Variants in RAB44 observed in about 807,000 individuals in gnomAD.
RAB44 encodes RAB44, member RAS oncogene family.
RAB44 carries 67 observed loss-of-function variants against 93.3 expected under a neutral mutation model. The observed-to-expected ratio is 0.72, with a 90% CI of 0.59 to 0.88. The LOEUF is 0.88. Ranked by LOEUF, RAB44 falls within the 40% of genes least tolerant of loss-of-function variation. The pLI, the probability that RAB44 is intolerant of heterozygous loss-of-function variation, is 0.00. For synonymous variants in RAB44, 427 were observed against 520.3 expected, an observed-to-expected ratio of 0.82 and a Z score of 2.44; for missense variants, 1,064 against 1,261.7, an observed-to-expected ratio of 0.84 and a Z score of 2.37.
At chr6:36,720,229 A>C (rs236480) in intron 7 of RAB44, 134 bp from the exon 8 acceptor site, 473,832 of 671,834 alleles carry the variant, frequency 0.71, 170,604 homozygotes, top group Non-Finnish European at 0.75. Context: ...ACCGCCCACC[A>C]CTACTCTGAT....
At chr6:36,726,176 A>G (rs1161637466) in intron 10 of RAB44, among the ~76,000 whole-genome samples, 1 of 152,168 alleles carries the variant, frequency 6.6e-6, no homozygotes, top group African/African-American at 2.4e-5. Flanking sequence ...TCATTAGGGG[A>G]CAGCCACCCA....
chr6:36,730,670 C>T lies in RAB44; in HGVS notation c.2899-3C>T. ...CATATGTCCCTCCCTGTCTGGCCTG[C>T]AGGAACTGGGGGTCTATTTTGGGGA... On this transcript the variant is annotated splice_polypyrimidine_tract_variant and splice_region_variant and intron_variant, in intron 12 of 13. Transcript: ENST00000612677. 1 of 1,234,066 alleles carries T rather than the reference C, an allele frequency of 8.1e-7. No homozygotes were observed. Among genetic ancestry groups the T allele is most frequent in the Non-Finnish European group, 1.0e-6 (1 of 987,968 alleles). 76.4% of individuals were successfully genotyped at this position (1,234,066 alleles called of 1,614,324 possible). A position where few individuals can be genotyped will look rare whatever the true frequency, so the allele number is the denominator to read the frequency against.
chr6:36,732,416 A>T lies in RAB44; in HGVS notation c.*323A>T. On this transcript the variant is annotated 3_prime_UTR_variant, in exon 14 of 14. Transcript: ENST00000612677. ...CTGTGGGTGTAAAATTTTAGGGAGA[A>T]TGTGGGGGGGGGGTGTTACTTTCCA... 2.6e-5 allele frequency: 3 copies of T among 114,392 alleles called. No individual in the cohort carries two copies. The highest frequency in any genetic ancestry group is 3.8e-5 in the Non-Finnish European group (2 of 52,326). 7.1% of individuals were successfully genotyped at this position (114,392 alleles called of 1,614,324 possible).
intron 11 of RAB44, 51 bp downstream of exon 11, chr6:36,727,742 T>C (rs236472): frequency 0.36 from 407,211 of 1,136,070 alleles, 75,173 homozygotes; most frequent in Non-Finnish European, 0.39. Context: ...TCAAGAGGGA[T>C]CTTATATCCT....
intron 6 of RAB44, 141 bp from the exon 7 acceptor site, chr6:36,718,352 G>A: frequency 2.2e-6 from 1 of 457,186 alleles, no homozygotes; most frequent in Non-Finnish European, 3.6e-6. Flanking sequence ...TGGAACTGGA[G>A]GAGTTGTCCT....
At position 36,717,408 on chromosome 6, in the gene RAB44, G is replaced by C. The variant is rs1322919894; in HGVS notation, c.630G>C (p.Leu210=). The change falls in exon 5 of 14, where the codon CTG becomes CTC. Residue 210 remains leucine, a synonymous_variant. Coordinates refer to ENST00000612677, the MANE Select transcript of RAB44 (RefSeq NM_001257357.2). This position sits in a 1 kb window ranked among gnomAD's most constrained non-coding sequence, Gnocchi z 4.1. ...EAQADKEALE[L]TLRKRDSDHH... ...AGGCGGACAAGGAGGCCCTGGAGCT[G>C]ACCCTGAGGAAGTGAGTGGGGGGCC... is the stretch of plus-strand genomic sequence containing the variant. 4.9e-6 allele frequency: 6 copies of C among 1,232,124 alleles called. No homozygotes were observed. The highest frequency in any genetic ancestry group is 6.1e-6 in the Non-Finnish European group (6 of 988,086). The allele number at this position is 1,232,124 out of a possible 1,614,324, so 76.3% of individuals were successfully genotyped here. A position where few individuals can be genotyped will look rare whatever the true frequency, so the allele number is the denominator to read the frequency against.
intron 8 of RAB44, 141 bp downstream of exon 8, chr6:36,720,691 G>A: frequency 1.5e-6 from 1 of 668,136 alleles, no homozygotes; most frequent in Non-Finnish European, 2.1e-6. Context: ...CTGCCAAGCT[G>A]GAACTATCAC....
chr6:36,706,503 C>T (rs999132444), intron 2 of RAB44, among the ~76,000 whole-genome samples: 4 of 152,172 alleles, frequency 2.6e-5, no homozygotes, highest in African/African-American at 9.7e-5. Flanking sequence ...CGTTCCAGGC[C>T]AGCTTCCTGG....
chr6:36,732,103 C>T lies in RAB44; in HGVS notation c.*10C>T, dbSNP rs1763376567. The T allele has an allele frequency of 2.4e-6, 3 of 1,233,856 alleles. No individual in the cohort carries two copies. The highest frequency in any genetic ancestry group is 8.4e-5 in the Admixed American group (2 of 23,716). 76.4% of individuals were successfully genotyped at this position (1,233,856 alleles called of 1,614,324 possible). Reference sequence around the variant, plus strand: ...CGGCTGTTGCTCCTGATCACCTGTCCTGTCCTGGGTAGGATGGACACCCAT... The same window carrying T: ...CGGCTGTTGCTCCTGATCACCTGTCTTGTCCTGGGTAGGATGGACACCCAT... On this transcript the variant is annotated 3_prime_UTR_variant, in exon 14 of 14. Coordinates refer to ENST00000612677, the MANE Select transcript of RAB44 (RefSeq NM_001257357.2).
At chr6:36,724,965 G>A (rs1763199153) in intron 9 of RAB44, among the ~76,000 whole-genome samples, 1 of 152,184 alleles carries the variant, frequency 6.6e-6, no homozygotes, top group Admixed American at 6.5e-5. Flanking sequence ...GAGAATCAGA[G>A]CCAACGGAGT....
Position 36,717,490 on chromosome 6 carries a change from A to C in RAB44, c.641+71A>C. 8.2e-7 allele frequency: 1 copy of C among 1,226,630 alleles called. No homozygotes were observed. The highest frequency in any genetic ancestry group is 1.0e-6 in the Non-Finnish European group (1 of 983,778). The allele number at this position is 1,226,630 out of a possible 1,614,324, so 76.0% of individuals were successfully genotyped here. On this transcript the variant is annotated intron_variant, in intron 5 of 13. Coordinates refer to ENST00000612677, the MANE Select transcript of RAB44 (RefSeq NM_001257357.2). This position sits in a 1 kb window ranked among gnomAD's most constrained non-coding sequence, Gnocchi z 4.1. Reference sequence around the variant, plus strand: ...TTCACATTCCAGTGGAATCTGGTTGAATTTCCCCAGCTCCTCCTGCAGCTG... The same window carrying C: ...TTCACATTCCAGTGGAATCTGGTTGCATTTCCCCAGCTCCTCCTGCAGCTG...
At position 36,732,384 on chromosome 6, in the gene RAB44, C is replaced by T. The variant is rs557904394; in HGVS notation, c.*291C>T. The T allele has an allele frequency of 1.3e-4, 30 of 229,288 alleles. No homozygotes were observed. The Middle Eastern group carries it at 2.3e-3, about 18-fold the overall frequency. 14.2% of individuals were successfully genotyped at this position (229,288 alleles called of 1,614,324 possible). On this transcript the variant is annotated 3_prime_UTR_variant, in exon 14 of 14. Transcript: ENST00000612677. Reference sequence around the variant, plus strand: ...AAGGAAAATACACCAAAATATTGGCCGCACATCTGTGGGTGTAAAATTTTA... The same window carrying T: ...AAGGAAAATACACCAAAATATTGGCTGCACATCTGTGGGTGTAAAATTTTA...
chr6:36,712,509 C>A (rs1477754365), intron 2 of RAB44, among the ~76,000 whole-genome samples: 2 of 152,050 alleles, frequency 1.3e-5, no homozygotes, highest in African/African-American at 4.8e-5. Context: ...GGATTACAGG[C>A]GCCCACCACA....
In RAB44 at chr6:36,731,152, C is replaced by T. The variant is rs1302415654; in HGVS notation, c.2975+403C>T. ...TCTCCCCCACCCCTACACACACACA[C>T]ATTCACTCACACCCACACACACTCA... On this transcript the variant is annotated intron_variant, in intron 13 of 13. Transcript: ENST00000612677. The surrounding 1 kb of genome is among the most constrained non-coding windows in gnomAD (Gnocchi z 4.0). Among the ~76,000 whole-genome samples the T allele has an allele frequency of 6.6e-6, 1 of 150,968 alleles. No individual in the cohort carries two copies. The highest frequency in any genetic ancestry group is 2.0e-4 in the East Asian group (1 of 5,124).
At chr6:36,714,436 C>A (rs1435379550) in intron 3 of RAB44, among the ~76,000 whole-genome samples, 1 of 152,202 alleles carries the variant, frequency 6.6e-6, no homozygotes, top group East Asian at 1.9e-4. Context: ...CCAGCCCAGG[C>A]AATGGAAGGT....
In RAB44 at chr6:36,722,737, A is replaced by G. The variant is rs894232719; in HGVS notation, c.2599+4A>G. 30 of 1,550,480 alleles carry G rather than the reference A, an allele frequency of 1.9e-5. No individual in the cohort carries two copies. The highest frequency in any genetic ancestry group is 2.5e-5 in the Non-Finnish European group (29 of 1,146,992). The stretch of plus-strand genomic sequence containing the variant: ...ACCGGATTGACAGCTACCGTGGGTA[A>G]GGGCATTGGGGAGGGCGGCAGGGAG... On this transcript the variant is annotated splice_donor_region_variant and intron_variant, in intron 9 of 13. Transcript: ENST00000612677.
intron 10 of RAB44, among the ~76,000 whole-genome samples, chr6:36,726,307 G>T (rs549590105): frequency 6.6e-6 from 1 of 152,294 alleles, no homozygotes; most frequent in African/African-American, 2.4e-5. Flanking sequence ...GTACAGTGGC[G>T]TGATCTGGGC....
In RAB44 at chr6:36,717,224, C is replaced by T; in HGVS notation, c.495-49C>T. ...AGTGGGGCTCCCCTTGCTTCTCCATCCCACCTTGTGTCTGACCCTCCCATC... is the reference window on the plus strand; with the variant it reads ...AGTGGGGCTCCCCTTGCTTCTCCATTCCACCTTGTGTCTGACCCTCCCATC... On this transcript the variant is annotated intron_variant, in intron 4 of 13. Transcript: ENST00000612677. This position sits in a 1 kb window ranked among gnomAD's most constrained non-coding sequence, Gnocchi z 4.1. 8.1e-7 allele frequency: 1 copy of T among 1,231,446 alleles called. No homozygotes were observed. The highest frequency in any genetic ancestry group is 1.5e-5 in the African/African-American group (1 of 64,518). 76.3% of individuals were successfully genotyped at this position (1,231,446 alleles called of 1,614,324 possible). A position where few individuals can be genotyped will look rare whatever the true frequency, so the allele number is the denominator to read the frequency against.
chr6:36,721,420 A>T lies in RAB44; in HGVS notation c.1286A>T (p.Asp429Val). The change falls in exon 9 of 14, where the codon GAT (aspartate) becomes GTT (valine). Residue 429 changes from aspartate to valine, a missense_variant. Coordinates refer to ENST00000612677, the MANE Select transcript of RAB44 (RefSeq NM_001257357.2). ...GGTCAGGAGCCATCTTCAGATCCAG[A>T]TGGGGCTCCAAGGACCCCACCTGGG... ...LFGQEPSSDPDGAPRTPPGVT... is the reference protein window; with the variant it reads ...LFGQEPSSDPVGAPRTPPGVT... The T allele has an allele frequency of 8.1e-7, 1 of 1,234,302 alleles. No homozygotes were observed. The highest frequency in any genetic ancestry group is 1.0e-6 in the Non-Finnish European group (1 of 988,212). 76.5% of individuals were successfully genotyped at this position (1,234,302 alleles called of 1,614,324 possible). A position where few individuals can be genotyped will look rare whatever the true frequency, so the allele number is the denominator to read the frequency against.
Sources: gnomAD v4.1 joint callset for allele counts (sites outside exome capture counted in the v4.1 genomes callset) on GRCh38, gnomAD v4.1.1 for gene constraint, Gnocchi (gnomAD v3.1) non-coding constraint, MANE v1.5 for transcripts, NCBI Gene and HGNC (gene_info 2026-07-23, HGNC 2026-07-21) for gene names.